Variants in ARMH1 observed in about 807,000 individuals in gnomAD.
ARMH1 encodes armadillo-like helical domain containing protein 1.
ARMH1 carries 34 observed loss-of-function variants against 50.2 expected under a neutral mutation model. The observed-to-expected ratio is 0.68, with a 90% CI of 0.51 to 0.90. ARMH1 has a LOEUF of 0.90. ARMH1 is among the 40% of genes least tolerant of loss of function. The probability of loss-of-function intolerance (pLI) is 0.00; values close to 1 mark genes in which losing one functional copy is unlikely to be tolerated. For missense variants in ARMH1, 538 were observed against 553.9 expected (o/e 0.97, Z 0.29); for synonymous variants, 221 against 224.2 (o/e 0.99, Z 0.13).
chr1:44,698,272 A>G, intron 4 of ARMH1, 43 bp downstream of exon 4: 1 of 1,494,152 alleles, frequency 6.7e-7, no homozygotes, highest in Non-Finnish European at 9.0e-7. Flanking sequence ...TAGGGGCCTG[A>G]ATGACATGGT....
At position 44,724,923 on chromosome 1, in the gene ARMH1, G is replaced by A. The variant is rs1648052617; in HGVS notation, c.1128+84G>A. 17 of 1,506,230 alleles carry A rather than the reference G, an allele frequency of 1.1e-5. No homozygotes were observed. The highest frequency in any genetic ancestry group is 1.5e-5 in the Non-Finnish European group (17 of 1,127,328). The allele number at this position is 1,506,230 out of a possible 1,614,324, so 93.3% of individuals were successfully genotyped here. On this transcript the variant is annotated intron_variant, in intron 10 of 11. Transcript: ENST00000535358. The surrounding 1 kb of genome is among the most constrained non-coding windows in gnomAD (Gnocchi z 6.4). ...GCCCCTTCAGACAGTCCCCATCCTG[G>A]AGCGCGCCACATGCAGAGTGGACCT...
chr1:44,704,789 G>A (rs932679957), intron 6 of ARMH1, among the ~76,000 whole-genome samples: 5 of 151,750 alleles, frequency 3.3e-5, no homozygotes, highest in Admixed American at 3.3e-4. Context: ...TGGGATTACA[G>A]GCATGAGCCA....
rs140765603 is a variant in ARMH1 at position 44,692,440 on chromosome 1, T to G, written c.206+2537T>G. Reference sequence around the variant, plus strand: ...ATAACATTTTATTGTTATTACCTGCTTAATATCTCTCTTTCCCCCCACTGG... The same window carrying G: ...ATAACATTTTATTGTTATTACCTGCGTAATATCTCTCTTTCCCCCCACTGG... On this transcript the variant is annotated intron_variant, in intron 2 of 11. Coordinates refer to ENST00000535358, the MANE Select transcript of ARMH1 (RefSeq NM_001145636.2). Among the ~76,000 whole-genome samples the G allele has an allele frequency of 5.1e-3, 776 of 152,246 alleles. 8 individuals are homozygous for G. Among genetic ancestry groups the G allele is most frequent in the Non-Finnish European group, 5.5e-3 (373 of 68,010 alleles).
intron 2 of ARMH1, among the ~76,000 whole-genome samples, chr1:44,691,354 G>A (rs1573329163): frequency 1.3e-5 from 2 of 151,914 alleles, no homozygotes; most frequent in Non-Finnish European, 2.9e-5. Flanking sequence ...ATCTGACTTC[G>A]GTGCCTCCCA....
In ARMH1 at chr1:44,700,339, C is replaced by T. The variant is rs184103049; in HGVS notation, c.443-584C>T. Among the ~76,000 whole-genome samples, 10 of 152,218 alleles carry T rather than the reference C, an allele frequency of 6.6e-5. No homozygotes were observed. In the East Asian group the frequency reaches 1.5e-3, roughly 24 times the overall value. On this transcript the variant is annotated intron_variant, in intron 4 of 11. Coordinates refer to ENST00000535358, the MANE Select transcript of ARMH1 (RefSeq NM_001145636.2). ...AGTGCTATACAAGTGTTATCATGGC[C>T]GGGCGCCGTGGCTCACGCCTCTAAT... is the stretch of plus-strand genomic sequence containing the variant.
Position 44,725,538 on chromosome 1 carries a change from G to A in ARMH1, c.*135G>A. 3.6e-6 allele frequency: 3 copies of A among 834,022 alleles called. No individual in the cohort carries two copies. The highest frequency in any genetic ancestry group is 3.8e-6 in the Non-Finnish European group (2 of 522,310). The allele number at this position is 834,022 out of a possible 1,614,324, so 51.7% of individuals were successfully genotyped here. ...GACGGGGATTAGGCATCCCAGAGGG[G>A]CAGAGGAAGAGCCGCTGGCTGCGAA... On this transcript the variant is annotated 3_prime_UTR_variant, in exon 12 of 12. Coordinates refer to ENST00000535358, the MANE Select transcript of ARMH1 (RefSeq NM_001145636.2).
In ARMH1 at chr1:44,683,704, C is replaced by T. The variant is rs534670786; in HGVS notation, c.-22-5972C>T. Reference sequence around the variant, plus strand: ...ATGCCCTTGGCTTAGTGGGGAAAAACCTGGACTTTGGAGTTATATGCAGAT... The same window carrying T: ...ATGCCCTTGGCTTAGTGGGGAAAAATCTGGACTTTGGAGTTATATGCAGAT... On this transcript the variant is annotated intron_variant, in intron 1 of 11. Transcript: ENST00000535358. This position sits in a 1 kb window ranked among gnomAD's most constrained non-coding sequence, Gnocchi z 4.2. Among the ~76,000 whole-genome samples, 16 of 152,294 alleles carry T rather than the reference C, an allele frequency of 1.1e-4. No individual in the cohort carries two copies. The highest frequency in any genetic ancestry group is 9.8e-4 in the Admixed American group (15 of 15,300).
intron 1 of ARMH1, among the ~76,000 whole-genome samples, chr1:44,679,257 G>A (rs1350294535): frequency 6.6e-6 from 1 of 152,138 alleles, no homozygotes; most frequent in Non-Finnish European, 1.5e-5. Context: ...TAAGCATGAT[G>A]GCATACATAT....
chr1:44,710,644 C>T (rs1391671404), intron 6 of ARMH1, among the ~76,000 whole-genome samples: 3 of 150,546 alleles, frequency 2.0e-5, no homozygotes, highest in Non-Finnish European at 4.4e-5. Context: ...AGAAATTAAT[C>T]ACAGATTTGG....
At position 44,724,736 on chromosome 1, in the gene ARMH1, C is replaced by G. The variant is rs1648012215; in HGVS notation, c.1051-26C>G. 1 of 1,515,870 alleles carries G rather than the reference C, an allele frequency of 6.6e-7. No individual in the cohort carries two copies. Among genetic ancestry groups the G allele is most frequent in the African/African-American group, 1.4e-5 (1 of 70,790 alleles). The allele number at this position is 1,515,870 out of a possible 1,614,324, so 93.9% of individuals were successfully genotyped here. A position where few individuals can be genotyped will look rare whatever the true frequency, so the allele number is the denominator to read the frequency against. On this transcript the variant is annotated intron_variant, in intron 9 of 11. Transcript: ENST00000535358. This position sits in a 1 kb window ranked among gnomAD's most constrained non-coding sequence, Gnocchi z 6.4. ...CCCGCAGCCCCGTCGCCCCCGCAGT[C>G]ACGCCGCCTCGCCCGCGCGGCGCAG...
intron 1 of ARMH1, among the ~76,000 whole-genome samples, chr1:44,676,890 A>C (rs957809615): frequency 1.3e-5 from 2 of 152,190 alleles, no homozygotes; most frequent in African/African-American, 4.8e-5. Flanking sequence ...AAGGGGAAAA[A>C]GATAAAACTA....
At position 44,724,645 on chromosome 1, in the gene ARMH1, C is replaced by T; in HGVS notation, c.1027C>T (p.Arg343Trp). Residue 343 changes from arginine to tryptophan, a missense_variant, in exon 9 of 12, where the codon CGG becomes TGG. Arg to Trp is a moderately radical substitution (Grantham distance 101). Transcript: ENST00000535358. The surrounding 1 kb of genome is among the most constrained non-coding windows in gnomAD (Gnocchi z 6.4). ...MGNTDHSNSQ[R>W]LASLTLECFV... ...CAACACGGACCACAGCAACAGCCAG[C>T]GGCTGGCCAGCCTCACGCTGGAGGT... The T allele has an allele frequency of 1.3e-6, 2 of 1,501,510 alleles. No homozygotes were observed. Among genetic ancestry groups the T allele is most frequent in the Non-Finnish European group, 8.8e-7 (1 of 1,130,052 alleles). The allele number at this position is 1,501,510 out of a possible 1,614,324, so 93.0% of individuals were successfully genotyped here. A position where few individuals can be genotyped will look rare whatever the true frequency, so the allele number is the denominator to read the frequency against.
intron 1 of ARMH1, among the ~76,000 whole-genome samples, chr1:44,676,277 A>G (rs772655427): frequency 2.0e-5 from 3 of 152,190 alleles, no homozygotes; most frequent in Non-Finnish European, 4.4e-5. Context: ...TGGGGTGCCA[A>G]TGGAACATCC....
chr1:44,707,610 TG>T (rs1428205817), intron 6 of ARMH1, among the ~76,000 whole-genome samples: 1 of 152,052 alleles, frequency 6.6e-6, no homozygotes, highest in African/African-American at 2.4e-5. Flanking sequence ...TTTGTAAAGA[TG>T]GGGTCTCCCT....
intron 6 of ARMH1, among the ~76,000 whole-genome samples, chr1:44,716,851 C>CTTTT (rs758060030): frequency 7.2e-6 from 1 of 138,314 alleles, no homozygotes; most frequent in Non-Finnish European, 1.6e-5. Flanking sequence ...ATTCTTTTTT[C>CTTTT]TTTTTTTTTT....
At chr1:44,721,723 AC>A (rs1466846032) in intron 6 of ARMH1, 1 of 151,906 alleles carries the variant, frequency 6.6e-6, no homozygotes, top group East Asian at 1.9e-4. Context: ...TTGTGGAGCT[AC>A]CCCAACCTCC....
Position 44,724,216 on chromosome 1 carries a change from C to A in ARMH1, c.819C>A (p.Ile273=), listed in dbSNP as rs1647869254. Residue 273 remains isoleucine, a synonymous_variant, in exon 7 of 12, where the codon ATC becomes ATA. Transcript: ENST00000535358. This position sits in a 1 kb window ranked among gnomAD's most constrained non-coding sequence, Gnocchi z 6.4. ...TGCTGATACCGTCGGTCAAGGAGAT[C>A]TCCAAACTGCAGGCCAAGATCCTCA... ...VALLIPSVKE[I]SKLQAKILSD... The A allele has an allele frequency of 1.3e-6, 2 of 1,551,754 alleles. No homozygotes were observed. The highest frequency in any genetic ancestry group is 2.7e-5 in the African/African-American group (2 of 73,180).
chr1:44,722,032 A>G (rs1442457423), intron 6 of ARMH1: 1 of 152,188 alleles, frequency 6.6e-6, no homozygotes, highest in Non-Finnish European at 1.5e-5. Context: ...CTCACTGGGT[A>G]AAATCTCCTG....
chr1:44,706,138 G>A (rs1416897630), intron 6 of ARMH1, among the ~76,000 whole-genome samples: 2 of 152,252 alleles, frequency 1.3e-5, no homozygotes, highest in Non-Finnish European at 2.9e-5. Flanking sequence ...GGCTGAGCAA[G>A]TGCAGTGCCT....
Sources: gnomAD v4.1 joint callset for allele counts (sites outside exome capture counted in the v4.1 genomes callset) on GRCh38, gnomAD v4.1.1 for gene constraint, Gnocchi (gnomAD v3.1) non-coding constraint, MANE v1.5 for transcripts, NCBI Gene and HGNC (gene_info 2026-07-23, HGNC 2026-07-21) for gene names.